The following TCF4 variants were observed in gnomAD, a reference collection of about 807,000 sequenced individuals.
TCF4 encodes the protein transcription factor 4.
A neutral mutation model predicts 82.1 loss-of-function variants in TCF4; 3 were observed. The ratio of observed to expected loss-of-function variants is 0.04; its 90% CI spans 0.02 to 0.09. The LOEUF (loss-of-function observed/expected upper bound fraction) is 0.09, where lower values mean the gene tolerates loss of function less well. Among genes scored for constraint, TCF4 ranks in the 10% least tolerant of loss-of-function variants. The pLI is 1.00. For missense variants in TCF4, 518 were observed against 852.7 expected, an observed-to-expected ratio of 0.61 and a Z score of 4.89; for synonymous variants, 276 against 309.6, an observed-to-expected ratio of 0.89 and a Z score of 1.14.
At chr18:55,320,122 T>C (rs1286358383) in intron 8 of TCF4, among the ~76,000 whole-genome samples, 1 of 151,768 alleles carries the variant, frequency 6.6e-6, no homozygotes, top group Non-Finnish European at 1.5e-5. Context: ...TATGAGAACA[T>C]CTAAAAGATA....
At chr18:55,515,012 C>G (rs554812932) in intron 3 of TCF4, among the ~76,000 whole-genome samples, 4 of 152,116 alleles carry the variant, frequency 2.6e-5, no homozygotes, top group Non-Finnish European at 5.9e-5. Flanking sequence ...CTATAAAGAC[C>G]TATAATATTA....
chr18:55,603,341 C>G lies in TCF4; in HGVS notation c.287-16205G>C, dbSNP rs182026786. On this transcript the variant is annotated intron_variant, in intron 2 of 20. Coordinates refer to the TCF4 transcript ENST00000398339. ...GATCTAGGCAAAGCTCTGAACTTCT[C>G]AGAGGTACAGTTTATCCATAACGAT... is the stretch of plus-strand genomic sequence containing the variant. Among the ~76,000 whole-genome samples, 8 of 152,218 alleles carry G rather than the reference C, an allele frequency of 5.3e-5. No individual in the cohort carries two copies. In the East Asian group the frequency reaches 1.5e-3, roughly 29 times the overall value.
chr18:55,461,791 G>T (rs929214566), intron 4 of TCF4, among the ~76,000 whole-genome samples: 7 of 152,164 alleles, frequency 4.6e-5, no homozygotes, highest in African/African-American at 1.4e-4. Context: ...AATTTTGACA[G>T]AAATATTTCA....
chr18:55,583,039 AAT>A (rs1250242665), intron 3 of TCF4, among the ~76,000 whole-genome samples: 4 of 152,144 alleles, frequency 2.6e-5, no homozygotes, highest in Non-Finnish European at 5.9e-5. Context: ...CCTGTGTTCA[AAT>A]ACTATCTTGA....
chr18:55,547,813 T>G (rs2097219653), intron 3 of TCF4, among the ~76,000 whole-genome samples: 1 of 152,124 alleles, frequency 6.6e-6, no homozygotes, highest in Admixed American at 6.6e-5. Context: ...GAAAACAAAC[T>G]GCCATTTTCG....
rs150865500 is a variant in TCF4 at position 55,565,956 on chromosome 18, G to C, written c.145+19324C>G. On this transcript the variant is annotated intron_variant, in intron 3 of 19. Transcript: ENST00000354452. ...GTGGCTCACGCCTGTAATCACAGCA[G>C]TTTGGGAGGCTGAGGCAGGCGATCA... is the stretch of plus-strand genomic sequence containing the variant. 1.3e-4 allele frequency among the ~76,000 whole-genome samples: 19 copies of C among 151,220 alleles called. No homozygotes were observed. The East Asian group carries it at 3.5e-3, about 28-fold the overall frequency.
At chr18:55,340,416 C>CA (rs898701644) in intron 8 of TCF4, among the ~76,000 whole-genome samples, 26 of 148,304 alleles carry the variant, frequency 1.8e-4, no homozygotes, top group East Asian at 9.9e-4. Flanking sequence ...CTGTCTCTAC[C>CA]AAAAAAAAAG....
At chr18:55,305,923 T>G (rs532940457) in intron 8 of TCF4, among the ~76,000 whole-genome samples, 11 of 152,162 alleles carry the variant, frequency 7.2e-5, no homozygotes, top group South Asian at 2.1e-4. Flanking sequence ...GATACAGAGG[T>G]GAACTATTTT....
At chr18:55,419,858 C>T (rs922090594) in intron 5 of TCF4, among the ~76,000 whole-genome samples, 21 of 152,306 alleles carry the variant, frequency 1.4e-4, no homozygotes, top group African/African-American at 4.6e-4. Flanking sequence ...ACACTGGCTT[C>T]GCTGCCCACA....
intron 2 of TCF4, among the ~76,000 whole-genome samples, chr18:55,601,455 T>G (rs1427626849): frequency 1.8e-5 from 2 of 114,048 alleles, no homozygotes; most frequent in Non-Finnish European, 1.7e-5. Context: ...GATTTTACAT[T>G]CCATAACTGA....
At chr18:55,422,567 G>T in intron 5 of TCF4, 1 of 650,076 alleles carries the variant, frequency 1.5e-6, no homozygotes, top group Non-Finnish European at 1.9e-6. Flanking sequence ...TTAGGGGGGT[G>T]GTTTAAAGAG....
At position 55,534,158 on chromosome 18, in the gene TCF4, GCGTA is replaced by G. The variant is rs577687031; in HGVS notation, c.145+51118_145+51121del. ...GATAATTTTGTGCATAAAACAGTTT[GCGTA>G]CTTTGGAACAACAGAAAAAGCAAAG... is the stretch of plus-strand genomic sequence containing the variant. On this transcript the variant is annotated intron_variant, in intron 3 of 19. Transcript: ENST00000354452. 2.6e-5 allele frequency among the ~76,000 whole-genome samples: 4 copies of G among 152,280 alleles called. No homozygotes were observed. In the South Asian group the frequency reaches 8.3e-4, roughly 32 times the overall value.
chr18:55,622,177 T>TCA (rs2097721856), intron 2 of TCF4, among the ~76,000 whole-genome samples: 9 of 43,128 alleles, frequency 2.1e-4, no homozygotes, highest in Admixed American at 4.4e-4. Context: ...ACACACGCAC[T>TCA]CACACACACA....
chr18:55,525,444 T>G (rs542551480), intron 3 of TCF4, among the ~76,000 whole-genome samples: 5 of 152,298 alleles, frequency 3.3e-5, no homozygotes, highest in African/African-American at 1.2e-4. Flanking sequence ...TAGAGAAAAG[T>G]AAATTCGAGG....
intron 15 of TCF4, among the ~76,000 whole-genome samples, chr18:55,246,619 T>C (rs1162652015): frequency 6.6e-6 from 1 of 152,180 alleles, no homozygotes. Context: ...TAAATTAATA[T>C]AGAAATATCA....
chr18:55,370,427 T>TGATAGATA (rs10566649), intron 6 of TCF4, among the ~76,000 whole-genome samples: 4,781 of 145,008 alleles, frequency 0.033, 77 homozygotes, highest in South Asian at 0.036. Context: ...GATAGACAGA[T>TGATAGATA]GATAGATAGA....
rs1440372990 is a variant in TCF4, at chr18:55,251,929, G to GGTTTTT, written c.1350+2562_1350+2567dup. On this transcript the variant is annotated intron_variant, in intron 15 of 19. Transcript: ENST00000354452. The stretch of plus-strand genomic sequence containing the variant: ...TTGTTGTTGTGGGGAAGGGGGATGA[G>GGTTTTT]GTTTTTTTTTTTTTTTTTTTGCCTT... 3.1e-3 allele frequency among the ~76,000 whole-genome samples: 282 copies of GGTTTTT among 90,996 alleles called. 4 individuals are homozygous for GGTTTTT. The highest frequency in any genetic ancestry group is 7.0e-3 in the Middle Eastern group (1 of 142). The allele number at this position is 90,996 out of a possible 152,430, so 59.7% of individuals were successfully genotyped here.
intron 8 of TCF4, among the ~76,000 whole-genome samples, chr18:55,332,829 T>C (rs1320953789): frequency 1.3e-5 from 2 of 152,226 alleles, no homozygotes; most frequent in East Asian, 3.9e-4. Context: ...TTTGACAATA[T>C]GGTAGGAATT....
intron 6 of TCF4, among the ~76,000 whole-genome samples, chr18:55,361,690 A>C (rs966943377): frequency 1.3e-5 from 2 of 152,200 alleles, no homozygotes; most frequent in Non-Finnish European, 2.9e-5. Flanking sequence ...TTGGCATTAC[A>C]GGCAGATGTG....
Sources: allele counts gnomAD v4.1 joint callset (sites outside exome capture counted in the v4.1 genomes callset), GRCh38; gene constraint gnomAD v4.1.1; transcripts MANE v1.5; gene names NCBI Gene and HGNC (gene_info 2026-07-23, HGNC 2026-07-21).